The following NDUFAF6 variants were observed in gnomAD, a reference collection of about 807,000 sequenced individuals.
NDUFAF6 encodes the protein NADH dehydrogenase (ubiquinone) complex I, assembly factor 6.
NDUFAF6 carries 45 observed loss-of-function variants against 40.8 expected under a neutral mutation model. The ratio of observed to expected loss-of-function variants is 1.10; its 90% CI spans 0.87 to 1.42. NDUFAF6 has a LOEUF of 1.42. Ranked by LOEUF, NDUFAF6 falls within the 40% of genes most tolerant of loss-of-function variation. The pLI is 0.00. For synonymous variants in NDUFAF6, 185 were observed against 155.9 expected, an observed-to-expected ratio of 1.19 and a Z score of -1.39; for missense variants, 435 against 418.5, an observed-to-expected ratio of 1.04 and a Z score of -0.34.
At position 95,027,800 on chromosome 8, in the gene NDUFAF6, TG is replaced by T. The variant is rs530185596; in HGVS notation, c.197+2596del. ...AATAATCTCTGCAAGATTTGGCCTC[TG>T]AAATTATGCAGGGTTGTTTTGGACG... On this transcript the variant is annotated intron_variant, in intron 1 of 8. Transcript: ENST00000396124. Among the ~76,000 whole-genome samples the T allele has an allele frequency of 4.2e-3, 645 of 152,332 alleles. 10 individuals are homozygous for T. Among genetic ancestry groups the T allele is most frequent in the Middle Eastern group, 0.034 (10 of 294 alleles).
intron 2 of NDUFAF6, among the ~76,000 whole-genome samples, chr8:95,034,931 G>A (rs1304114680): frequency 6.6e-6 from 1 of 151,460 alleles, no homozygotes; most frequent in Non-Finnish European, 1.5e-5. Flanking sequence ...CCAGGCTAGA[G>A]TGTGGTGGTG....
intron 1 of NDUFAF6, among the ~76,000 whole-genome samples, chr8:95,031,693 G>C (rs1251502265): frequency 6.6e-6 from 1 of 152,116 alleles, no homozygotes; most frequent in Non-Finnish European, 1.5e-5. Flanking sequence ...TCCACCTCCT[G>C]GGCTTAAAGC....
chr8:94,966,494 T>G (rs972146015), intron 1 of NDUFAF6, among the ~76,000 whole-genome samples: 1 of 152,082 alleles, frequency 6.6e-6, no homozygotes, highest in African/African-American at 2.4e-5. Context: ...CTTGGGAGGC[T>G]GAGGTGGGAG....
intron 1 of NDUFAF6, among the ~76,000 whole-genome samples, chr8:94,909,020 A>G (rs1376738166): frequency 6.6e-6 from 1 of 152,198 alleles, no homozygotes; most frequent in Non-Finnish European, 1.5e-5. Context: ...AAGTTTATAT[A>G]TGTATCCAAA....
At chr8:95,005,550 TATAAAA>T (rs942832299) in intron 2 of NDUFAF6, among the ~76,000 whole-genome samples, 8 of 113,386 alleles carry the variant, frequency 7.1e-5, no homozygotes, top group Non-Finnish European at 1.0e-4. Context: ...TATATATATA[TATAAAA>T]AATATATTAA....
chr8:94,977,071 C>A (rs1055244656), intron 1 of NDUFAF6, among the ~76,000 whole-genome samples: 1 of 139,722 alleles, frequency 7.2e-6, no homozygotes, highest in African/African-American at 2.7e-5. Flanking sequence ...TCAGGGAGGT[C>A]AAGGCTGCAG....
chr8:95,009,260 C>T (rs1827132500), intron 2 of NDUFAF6, among the ~76,000 whole-genome samples: 1 of 151,912 alleles, frequency 6.6e-6, no homozygotes, highest in Non-Finnish European at 1.5e-5. Context: ...CTGAACTCCA[C>T]ACTTGTGAAC....
At chr8:95,096,886 T>C (rs956185585), upstream of NDUFAF6, among the ~76,000 whole-genome samples, 22 of 152,342 alleles carry the variant, frequency 1.4e-4, no homozygotes, top group African/African-American at 4.1e-4. Context: ...AAGGGGTTGG[T>C]TCTGTGTTTG....
chr8:95,088,532 G>T (rs959034819), intron 2 of NDUFAF6, among the ~76,000 whole-genome samples: 1 of 152,000 alleles, frequency 6.6e-6, no homozygotes, highest in African/African-American at 2.4e-5. Flanking sequence ...CAACAGGATG[G>T]GTCTACAGGA....
intron 2 of NDUFAF6, among the ~76,000 whole-genome samples, chr8:95,082,960 T>C (rs919633634): frequency 2.6e-5 from 4 of 151,942 alleles, no homozygotes; most frequent in African/African-American, 4.8e-5. Context: ...GTTTGTTTTT[T>C]TGTAGAGACA....
intron 2 of NDUFAF6, chr8:94,949,446 C>T (rs1281020546): frequency 6.6e-6 from 1 of 151,780 alleles, no homozygotes; most frequent in Non-Finnish European, 1.5e-5. Context: ...AGGCCGGGCC[C>T]CACCAATCGG....
chr8:95,110,256 T>C (rs1809961779), intron 4 of NDUFAF6, among the ~76,000 whole-genome samples: 1 of 152,240 alleles, frequency 6.6e-6, no homozygotes, highest in Non-Finnish European at 1.5e-5. Context: ...TACAACAAAC[T>C]GCACCAGGCA....
At chr8:94,922,003 TG>T (rs1394208895) in intron 1 of NDUFAF6, among the ~76,000 whole-genome samples, 3 of 151,646 alleles carry the variant, frequency 2.0e-5, no homozygotes, top group Non-Finnish European at 4.4e-5. Context: ...CGTGTTTTTT[TG>T]TTTTTTTCTT....
chr8:95,004,799 C>T (rs564174683), intron 2 of NDUFAF6, among the ~76,000 whole-genome samples: 4 of 152,312 alleles, frequency 2.6e-5, no homozygotes, highest in African/African-American at 4.8e-5. Flanking sequence ...TAAGTGAACC[C>T]TACAAGATTT....
intron 1 of NDUFAF6, among the ~76,000 whole-genome samples, chr8:94,975,588 A>C (rs1379529358): frequency 2.0e-5 from 3 of 152,162 alleles, no homozygotes; most frequent in Non-Finnish European, 4.4e-5. Context: ...TCTTTTAACT[A>C]CATTCACAGG....
chr8:95,046,880 G>A, intron 5 of NDUFAF6, 114 bp from the exon 6 acceptor site: 27 of 1,442,158 alleles, frequency 1.9e-5, no homozygotes, highest in Non-Finnish European at 2.4e-5. Context: ...TTTTTCAGAT[G>A]TAAAACAGGA....
intron 2 of NDUFAF6, chr8:94,951,523 A>G (rs1822615863): frequency 6.6e-6 from 1 of 152,210 alleles, no homozygotes; most frequent in Non-Finnish European, 1.5e-5. Context: ...TTGTCTCAGG[A>G]GTCACTTGCT....
chr8:94,933,036 G>A (rs1820579830), intron 1 of NDUFAF6, among the ~76,000 whole-genome samples: 1 of 152,102 alleles, frequency 6.6e-6, no homozygotes, highest in South Asian at 2.1e-4. Context: ...GGCCAATATG[G>A]TGAAACCCCA....
At chr8:95,109,600 A>ATT in intron 4 of NDUFAF6, among the ~76,000 whole-genome samples, 1 of 136,262 alleles carries the variant, frequency 7.3e-6, no homozygotes, top group Admixed American at 7.2e-5. Flanking sequence ...AGAGAGAGAG[A>ATT]GAGAGAGAGA....
Sources: allele counts gnomAD v4.1 joint callset (sites outside exome capture counted in the v4.1 genomes callset), GRCh38; gene constraint gnomAD v4.1.1; transcripts MANE v1.5; gene names NCBI Gene and HGNC (gene_info 2026-07-23, HGNC 2026-07-21).